Variants in FNDC7 observed in about 807,000 individuals in gnomAD.
The protein encoded by FNDC7 is fibronectin type III domain-containing protein 7.
A neutral mutation model predicts 74.2 loss-of-function variants in FNDC7; 66 were observed. That is an observed-to-expected ratio of 0.89 (90% confidence interval 0.73 to 1.09). The LOEUF (loss-of-function observed/expected upper bound fraction) is 1.09. FNDC7 is among the 50% of genes least tolerant of loss of function. The pLI is 0.00. For synonymous variants in FNDC7, 307 were observed against 330.2 expected, an observed-to-expected ratio of 0.93 and a Z score of 0.76; for missense variants, 829 against 893.4, an observed-to-expected ratio of 0.93 and a Z score of 0.92.
In FNDC7 at chr1:108,718,786, T is replaced by A. The variant is rs1295910301; in HGVS notation, c.338-3T>A. 1.9e-6 allele frequency: 3 copies of A among 1,549,624 alleles called. No individual in the cohort carries two copies. The highest frequency in any genetic ancestry group is 2.4e-5 in the South Asian group (2 of 83,998). The stretch of plus-strand genomic sequence containing the variant: ...ACAAATGCATGTGTTTTTATTTTTT[T>A]AGTGTTGGCTGCACCAATTCTAGAA... On this transcript the variant is annotated splice_region_variant and splice_polypyrimidine_tract_variant and intron_variant, in intron 3 of 12. Transcript: ENST00000370017.
chr1:108,713,641 T>C (rs897965967), intron 2 of FNDC7, 112 bp downstream of exon 2: 2 of 968,030 alleles, frequency 2.1e-6, no homozygotes, highest in Admixed American at 5.7e-5. Flanking sequence ...AAAAATTCAA[T>C]ATTTTCTGAG....
At chr1:108,716,313 G>A (rs1156808272) in intron 2 of FNDC7, among the ~76,000 whole-genome samples, 1 of 142,500 alleles carries the variant, frequency 7.0e-6, no homozygotes, top group Non-Finnish European at 1.5e-5. Context: ...TTGGGGAGCA[G>A]AAGAGAGGTG....
At chr1:108,730,512 A>G (rs965471161) in intron 8 of FNDC7, among the ~76,000 whole-genome samples, 162 bp from the exon 9 acceptor site, 1 of 152,220 alleles carries the variant, frequency 6.6e-6, no homozygotes, top group African/African-American at 2.4e-5. Context: ...TACATGACGC[A>G]TCAGAGGGAA....
intron 10 of FNDC7, among the ~76,000 whole-genome samples, chr1:108,735,294 C>T (rs1299055003): frequency 6.6e-6 from 1 of 152,210 alleles, no homozygotes. Flanking sequence ...ACTACTGCAC[C>T]AGTCCCATCT....
chr1:108,739,095 A>G (rs1018973527), intron 11 of FNDC7, among the ~76,000 whole-genome samples: 1 of 152,162 alleles, frequency 6.6e-6, no homozygotes, highest in Non-Finnish European at 1.5e-5. Context: ...TGTTCAAGGA[A>G]GGGTTTCAAA....
At chr1:108,722,286 G>A (rs563496745) in intron 4 of FNDC7, 49 bp from the exon 5 acceptor site, 87 of 1,483,408 alleles carry the variant, frequency 5.9e-5, no homozygotes, top group South Asian at 8.3e-5. Flanking sequence ...CAACTCTTAC[G>A]TAGTTTGTAA....
In FNDC7 at chr1:108,741,841, A is replaced by G. The variant is rs1288559426; in HGVS notation, c.*37A>G. 1.2e-6 allele frequency: 2 copies of G among 1,604,562 alleles called. No individual in the cohort carries two copies. The highest frequency in any genetic ancestry group is 2.7e-5 in the African/African-American group (2 of 74,666). On this transcript the variant is annotated splice_region_variant and 3_prime_UTR_variant, in exon 12 of 13. Coordinates refer to ENST00000370017, the MANE Select transcript of FNDC7 (RefSeq NM_001144937.3). ...CCAGATAAAAACAAAAACTTGACCA[A>G]GTGAGTAACGTAAATTGATTTTGTG...
At chr1:108,716,843 A>G (rs1241727427) in intron 2 of FNDC7, among the ~76,000 whole-genome samples, 3 of 152,148 alleles carry the variant, frequency 2.0e-5, no homozygotes, top group African/African-American at 7.2e-5. Flanking sequence ...AGTGGAGTAC[A>G]TTAAACCTGA....
In FNDC7 at chr1:108,718,486, T is replaced by C. The variant is rs186377243; in HGVS notation, c.338-303T>C. On this transcript the variant is annotated intron_variant, in intron 3 of 12. Coordinates refer to ENST00000370017, the MANE Select transcript of FNDC7 (RefSeq NM_001144937.3). ...AAAAGTTATGTGCACATTAAAATGG[T>C]GTAACCCCTAATTTTCCCATTGATT... Among the ~76,000 whole-genome samples, 365 of 152,352 alleles carry C rather than the reference T, an allele frequency of 2.4e-3. 2 individuals are homozygous for C. The highest frequency in any genetic ancestry group is 8.2e-3 in the African/African-American group (339 of 41,586).
At chr1:108,717,734 C>T (rs752960662) in intron 2 of FNDC7, 43 bp from the exon 3 acceptor site, 69 of 1,537,790 alleles carry the variant, frequency 4.5e-5, no homozygotes, top group South Asian at 7.2e-5. Context: ...AAGTCATCCT[C>T]GTAGGTATCT....
intron 10 of FNDC7, among the ~76,000 whole-genome samples, chr1:108,735,360 G>C (rs11102324): frequency 0.4 from 60,454 of 151,868 alleles, 12,580 homozygotes; most frequent in Middle Eastern, 0.49. Context: ...CCAGGACACT[G>C]GTCCAATTGT....
intron 11 of FNDC7, among the ~76,000 whole-genome samples, chr1:108,739,973 T>A (rs1276095472): frequency 1.4e-5 from 2 of 146,108 alleles, no homozygotes; most frequent in Non-Finnish European, 3.0e-5. Flanking sequence ...AGCCCAGGGG[T>A]TTGAGGCCGA....
At chr1:108,718,661 T>G in intron 3 of FNDC7, 128 bp from the exon 4 acceptor site, 1 of 989,018 alleles carries the variant, frequency 1.0e-6, no homozygotes, top group Non-Finnish European at 1.5e-6. Context: ...TAATGAAACT[T>G]TGTTGTGAAT....
intron 6 of FNDC7, among the ~76,000 whole-genome samples, chr1:108,726,779 TCAAA>T (rs1490483352): frequency 6.6e-6 from 1 of 152,192 alleles, no homozygotes; most frequent in Non-Finnish European, 1.5e-5. Context: ...ATAAGAATAC[TCAAA>T]CATAATTATG....
chr1:108,728,603 G>T, intron 7 of FNDC7, 29 bp from the exon 8 acceptor site: 1 of 1,610,816 alleles, frequency 6.2e-7, no homozygotes, highest in Non-Finnish European at 8.5e-7. Context: ...GACTCATGCT[G>T]GTTCAATTAA....
chr1:108,723,543 T>A (rs1171020551), intron 5 of FNDC7, among the ~76,000 whole-genome samples: 2 of 152,232 alleles, frequency 1.3e-5, no homozygotes, highest in African/African-American at 4.8e-5. Context: ...ATAGTTATGT[T>A]AAATTAAGGT....
chr1:108,733,496 T>C lies in FNDC7; in HGVS notation c.2104T>C (p.Leu702=), dbSNP rs1431349925. Residue 702 remains leucine, a synonymous_variant, in exon 10 of 13, where the codon TTG becomes CTG. Transcript: ENST00000370017. ...GGTCTCACCAGTTGCTAAAACAGGA[T>C]TGAAGCTTACTTTCTGTCCAAAAAA... ...VMVSPVAKTG[L]KLTFCPKKIY... 3.7e-6 allele frequency: 6 copies of C among 1,613,636 alleles called. 1 individual carries two copies. The highest frequency in any genetic ancestry group is 3.3e-5 in the South Asian group (3 of 91,082).
intron 9 of FNDC7, 135 bp from the exon 10 acceptor site, chr1:108,733,137 C>A: frequency 9.0e-7 from 1 of 1,107,452 alleles, no homozygotes; most frequent in Non-Finnish European, 1.3e-6. Flanking sequence ...TCAAATCTTG[C>A]TCTGATCTAA....
Position 108,712,925 on chromosome 1 carries a change from T to C in FNDC7, c.-9T>C, listed in dbSNP as rs1660901382. ...TGTTTTGTGCCATGTGAGTACTATG[T>C]CCAACAGGATGGCTGGTGGACGAGA... On this transcript the variant is annotated 5_prime_UTR_variant, in exon 1 of 13. Coordinates refer to ENST00000370017, the MANE Select transcript of FNDC7 (RefSeq NM_001144937.3). The C allele has an allele frequency of 3.2e-6, 5 of 1,551,536 alleles. No homozygotes were observed. In the Admixed American group the frequency reaches 5.9e-5, roughly 18 times the overall value.
Sources: allele counts gnomAD v4.1 joint callset (sites outside exome capture counted in the v4.1 genomes callset), GRCh38; gene constraint gnomAD v4.1.1; transcripts MANE v1.5; gene names NCBI Gene and HGNC (gene_info 2026-07-23, HGNC 2026-07-21).